ABCA12: variants seen among roughly 807,000 people sequenced by gnomAD.
ABCA12 encodes ATP binding cassette subfamily A member 12.
ABCA12 carries 156 observed loss-of-function variants against 293.5 expected under a neutral mutation model. The observed-to-expected ratio is 0.53, with a 90% confidence interval of 0.47 to 0.61. The LOEUF (loss-of-function observed/expected upper bound fraction) is 0.61. Ranked by LOEUF, ABCA12 falls within the 20% of genes least tolerant of loss-of-function variation. The pLI is 0.00. For synonymous variants in ABCA12, 1,063 were observed against 1,108.0 expected (o/e 0.96, Z 0.81); for missense variants, 2,797 against 3,090.2 (o/e 0.91, Z 2.25).
rs1274788854 is a variant in ABCA12 at position 215,001,808 on chromosome 2, T to C, written c.2684-71A>G. 7.5e-6 allele frequency: 10 copies of C among 1,331,860 alleles called. No homozygotes were observed. The Admixed American group carries it at 7.7e-5, about 10-fold the overall frequency. The allele number at this position is 1,331,860 out of a possible 1,614,324, so 82.5% of individuals were successfully genotyped here. ...TTCTGGTCGTAATTAGATGAAATACTGATTTTTTGTAAATACTAAACTAGA... is the reference window on the plus strand; with the variant it reads ...TTCTGGTCGTAATTAGATGAAATACCGATTTTTTGTAAATACTAAACTAGA... On this transcript the variant is annotated intron_variant, in intron 20 of 52. Transcript: ENST00000272895.
intron 1 of ABCA12, among the ~76,000 whole-genome samples, chr2:215,117,485 T>C (rs144842580): frequency 1.4e-3 from 214 of 152,350 alleles, no homozygotes; most frequent in African/African-American, 4.7e-3. Flanking sequence ...ATTAACAAAA[T>C]TGAATTATCT....
At chr2:214,966,107 C>A (rs1432472436) in intron 39 of ABCA12, among the ~76,000 whole-genome samples, 3 of 152,056 alleles carry the variant, frequency 2.0e-5, no homozygotes, top group African/African-American at 7.2e-5. Context: ...GAGCTGGAAG[C>A]CATTATCCTC....
intron 1 of ABCA12, among the ~76,000 whole-genome samples, chr2:215,130,376 T>C (rs1703027623): frequency 6.6e-6 from 1 of 152,188 alleles, no homozygotes; most frequent in South Asian, 2.1e-4. Context: ...TTTCCATTTA[T>C]TGGTGTTATC....
chr2:215,106,315 A>T (rs1380870629), intron 2 of ABCA12, among the ~76,000 whole-genome samples: 1 of 151,852 alleles, frequency 6.6e-6, no homozygotes, highest in Non-Finnish European at 1.5e-5. Flanking sequence ...TTTTTTTCCC[A>T]GAGCTACTAA....
intron 2 of ABCA12, among the ~76,000 whole-genome samples, chr2:215,103,897 G>A (rs548817038): frequency 1.3e-5 from 2 of 152,202 alleles, no homozygotes; most frequent in Admixed American, 1.3e-4. Flanking sequence ...AGAGGCAGGA[G>A]AATCACTTGA....
At chr2:215,124,795 G>T (rs1702887952) in intron 1 of ABCA12, among the ~76,000 whole-genome samples, 1 of 152,148 alleles carries the variant, frequency 6.6e-6, no homozygotes, top group African/African-American at 2.4e-5. Flanking sequence ...CTGTGCAAAA[G>T]CTGTTTCATT....
chr2:214,958,440 A>T lies in ABCA12; in HGVS notation c.5954T>A (p.Ile1985Asn), dbSNP rs1699018851. The change falls in exon 41 of 53, where the codon ATC becomes AAC. Residue 1985 changes from isoleucine to asparagine, a missense_variant. This residue lies in a region of ABCA12 where 2,130 missense variants were observed against 2,427.0 expected (regional missense o/e 0.88). Coordinates refer to ENST00000272895, the MANE Select transcript of ABCA12 (RefSeq NM_173076.3). ...GATAGACAGTGCCACTAAAATATCG[A>T]TTAAACTGCTGATTCTAGAGTGAGC... Reference protein sequence around the residue: ...DQEQATISSLIDILVALSILM... With the variant: ...DQEQATISSLNDILVALSILM... 6.2e-7 allele frequency: 1 copy of T among 1,613,876 alleles called. No individual in the cohort carries two copies. The highest frequency in any genetic ancestry group is 1.3e-5 in the African/African-American group (1 of 75,040).
Position 214,997,870 on chromosome 2 carries a change from A to T in ABCA12, c.3180-61T>A, listed in dbSNP as rs563019707. On this transcript the variant is annotated intron_variant, in intron 22 of 52. Transcript: ENST00000272895. Reference sequence around the variant, plus strand: ...CAAAATGAACACCATACTTGCAGAGATTATAATATATAAAGAACTCACTCT... The same window carrying T: ...CAAAATGAACACCATACTTGCAGAGTTTATAATATATAAAGAACTCACTCT... 3.3e-5 allele frequency: 32 copies of T among 965,130 alleles called. 1 individual carries two copies. The South Asian group carries it at 4.2e-4, about 13-fold the overall frequency. 59.8% of individuals were successfully genotyped at this position (965,130 alleles called of 1,614,324 possible). A position where few individuals can be genotyped will look rare whatever the true frequency, so the allele number is the denominator to read the frequency against.
chr2:215,033,689 C>A (rs1253543433), intron 8 of ABCA12, among the ~76,000 whole-genome samples: 4 of 152,072 alleles, frequency 2.6e-5, no homozygotes, highest in Admixed American at 6.5e-5. Flanking sequence ...TGCCTGTAAT[C>A]CCAGCATTTT....
chr2:214,987,602 T>A, intron 27 of ABCA12, 45 bp downstream of exon 27: 2 of 1,582,202 alleles, frequency 1.3e-6, no homozygotes, highest in African/African-American at 1.4e-5. Flanking sequence ...TAATTTCATA[T>A]CATTTCTCTC....
At chr2:215,009,760 C>T (rs548704866) in intron 18 of ABCA12, among the ~76,000 whole-genome samples, 15 of 152,128 alleles carry the variant, frequency 9.9e-5, no homozygotes, top group African/African-American at 3.6e-4. Flanking sequence ...TTTAAAAGTA[C>T]TAGGTTTATA....
chr2:215,003,561 G>A (rs974210421), intron 20 of ABCA12, among the ~76,000 whole-genome samples: 1 of 151,794 alleles, frequency 6.6e-6, no homozygotes, highest in Non-Finnish European at 1.5e-5. Flanking sequence ...TTGTCCTTAA[G>A]GACTTGCATT....
At chr2:215,044,832 G>A (rs1426540838) in intron 7 of ABCA12, among the ~76,000 whole-genome samples, 3 of 152,126 alleles carry the variant, frequency 2.0e-5, no homozygotes. Flanking sequence ...TAAGGTCTTT[G>A]AATAGATATA....
chr2:214,952,223 T>G (rs528608724), intron 44 of ABCA12, among the ~76,000 whole-genome samples: 39 of 416 alleles, frequency 0.094, no homozygotes, highest in Admixed American at 0.2. Context: ...TTTTTTGTTG[T>G]TTTTTTTTTT....
intron 2 of ABCA12, among the ~76,000 whole-genome samples, chr2:215,095,356 C>T (rs1379046614): frequency 1.3e-5 from 2 of 152,138 alleles, no homozygotes; most frequent in South Asian, 2.1e-4. Context: ...CTGTTTTTCT[C>T]CTTCTCTTAT....
At chr2:215,109,494 A>C (rs1702527636) in intron 2 of ABCA12, among the ~76,000 whole-genome samples, 1 of 152,176 alleles carries the variant, frequency 6.6e-6, no homozygotes, top group Non-Finnish European at 1.5e-5. Context: ...TCCGTGTTTG[A>C]ACCATCCTAT....
chr2:215,117,438 A>G (rs1235613154), intron 1 of ABCA12, among the ~76,000 whole-genome samples: 1 of 152,242 alleles, frequency 6.6e-6, no homozygotes, highest in Non-Finnish European at 1.5e-5. Flanking sequence ...TGTAAATTCA[A>G]TGCAAAATTT....
At chr2:215,118,653 A>G (rs190915486) in intron 1 of ABCA12, among the ~76,000 whole-genome samples, 2 of 152,268 alleles carry the variant, frequency 1.3e-5, no homozygotes, top group Admixed American at 6.5e-5. Flanking sequence ...AAAATTGTTG[A>G]GCACCTACTA....
intron 39 of ABCA12, among the ~76,000 whole-genome samples, chr2:214,966,239 G>A (rs540980881): frequency 1.1e-4 from 16 of 152,286 alleles, no homozygotes; most frequent in South Asian, 4.1e-4. Flanking sequence ...CTGTCAGAGC[G>A]CAGAGGATGG....
Sources: gnomAD v4.1 joint callset for allele counts (sites outside exome capture counted in the v4.1 genomes callset) on GRCh38, gnomAD v4.1.1 for gene constraint, gnomAD v4.1.1 regional missense constraint, MANE v1.5 for transcripts, NCBI Gene and HGNC (gene_info 2026-07-23, HGNC 2026-07-21) for gene names.